TIPIN: variants seen among roughly 807,000 people sequenced by gnomAD.
TIPIN encodes TIMELESS-interacting protein.
TIPIN carries 29 observed loss-of-function variants against 35.6 expected under a neutral mutation model. The ratio of observed to expected loss-of-function variants is 0.82; its 90% CI spans 0.61 to 1.11. The LOEUF (loss-of-function observed/expected upper bound fraction) is 1.11, where lower values mean the gene tolerates loss of function less well. Among genes scored for constraint, TIPIN ranks in the 50% most tolerant of loss-of-function variants. The pLI, the probability that TIPIN is intolerant of heterozygous loss-of-function variation, is 0.00. For missense variants in TIPIN, 296 were observed against 345.4 expected (o/e 0.86, Z 1.13); for synonymous variants, 102 against 121.5 (o/e 0.84, Z 1.06).
intron 1 of TIPIN, among the ~76,000 whole-genome samples, chr15:66,376,639 A>G (rs1016076533): frequency 2.0e-4 from 30 of 151,640 alleles, no homozygotes; most frequent in Middle Eastern, 3.4e-3. Context: ...CATGTTGGCC[A>G]GGCTGTCTTG....
At chr15:66,360,189 A>G (rs1327462647), upstream of TIPIN, among the ~76,000 whole-genome samples, 6 of 152,156 alleles carry the variant, frequency 3.9e-5, no homozygotes, top group Non-Finnish European at 8.8e-5. Context: ...CCAGGAGGTC[A>G]AGGCCAGCCT....
intron 1 of TIPIN, chr15:66,382,802 A>T: frequency 2.5e-6 from 1 of 405,328 alleles, no homozygotes. Context: ...GATATGGTTC[A>T]ACCAAATATA....
At chr15:66,340,434 C>T (rs1310426046) in intron 7 of TIPIN, among the ~76,000 whole-genome samples, 1 of 150,692 alleles carries the variant, frequency 6.6e-6, no homozygotes, top group Non-Finnish European at 1.5e-5. Flanking sequence ...ACTTTGGCCT[C>T]CTAAAGTGCT....
intron 1 of TIPIN, among the ~76,000 whole-genome samples, chr15:66,373,092 G>A (rs753506028): frequency 1.6e-4 from 24 of 152,156 alleles, no homozygotes; most frequent in Non-Finnish European, 2.8e-4. Flanking sequence ...ATCTAGGTTT[G>A]TGTAAGTATA....
intron 6 of TIPIN, among the ~76,000 whole-genome samples, chr15:66,342,252 G>A (rs1450882309): frequency 2.0e-5 from 3 of 150,534 alleles, no homozygotes; most frequent in Non-Finnish European, 4.4e-5. Context: ...AATATTTTAT[G>A]CTTGGCCTAA....
intron 1 of TIPIN, among the ~76,000 whole-genome samples, chr15:66,381,916 T>G (rs2093319892): frequency 6.6e-6 from 1 of 152,012 alleles, no homozygotes; most frequent in Admixed American, 6.6e-5. Context: ...ATACAAAAAA[T>G]TAGCTGAGCA....
At position 66,352,205 on chromosome 15, in the gene TIPIN, A is replaced by C. The variant is rs770038398; in HGVS notation, c.136T>G (p.Ser46Ala). Residue 46 changes from serine (S) to alanine (A), a missense_variant and splice_region_variant, in exon 3 of 8, where the codon TCA becomes GCA. Coordinates refer to ENST00000261881, the MANE Select transcript of TIPIN (RefSeq NM_017858.3). ...ACACGAACAGGTGCTCCATTTCCTG[A>C]CTCTGGTGAAACAAACCACGATTCA... ...DGEGTEPDEESGNGAPVRVPP... is the reference protein window; with the variant it reads ...DGEGTEPDEEAGNGAPVRVPP... 1 of 1,600,832 alleles carries C rather than the reference A, an allele frequency of 6.2e-7. No individual in the cohort carries two copies. The highest frequency in any genetic ancestry group is 8.5e-7 in the Non-Finnish European group (1 of 1,174,598).
intron 6 of TIPIN, among the ~76,000 whole-genome samples, chr15:66,341,912 G>A (rs907812264): frequency 1.3e-5 from 2 of 152,108 alleles, no homozygotes; most frequent in African/African-American, 2.4e-5. Flanking sequence ...AAGGCCGGGC[G>A]CGGTGGCTCA....
chr15:66,345,521 C>T (rs1027643891), intron 6 of TIPIN, among the ~76,000 whole-genome samples: 1 of 152,106 alleles, frequency 6.6e-6, no homozygotes, highest in Admixed American at 6.6e-5. Flanking sequence ...TTGAGACAAG[C>T]CTGGCCAACG....
At chr15:66,382,036 C>G (rs2093320448) in intron 1 of TIPIN, among the ~76,000 whole-genome samples, 1 of 150,624 alleles carries the variant, frequency 6.6e-6, no homozygotes, top group African/African-American at 2.4e-5. Flanking sequence ...CTGCACTCCA[C>G]CTGGGCGATG....
intron 1 of TIPIN, among the ~76,000 whole-genome samples, chr15:66,361,934 G>T (rs1255169785): frequency 6.6e-6 from 1 of 152,056 alleles, no homozygotes; most frequent in African/African-American, 2.4e-5. Context: ...AGCCGAGATT[G>T]TGCCACTGCA....
At chr15:66,355,049 T>G in intron 1 of TIPIN, among the ~76,000 whole-genome samples, 1 of 143,118 alleles carries the variant, frequency 7.0e-6, no homozygotes, top group African/African-American at 2.6e-5. Flanking sequence ...TTTTTTTTTT[T>G]GAGAAGGAGT....
chr15:66,355,501 G>A (rs1196716163), intron 1 of TIPIN, among the ~76,000 whole-genome samples: 3 of 151,864 alleles, frequency 2.0e-5, no homozygotes, highest in Non-Finnish European at 2.9e-5. Context: ...GGTAATCCCA[G>A]CACTATGGGA....
chr15:66,345,710 CAA>C (rs368302596), intron 6 of TIPIN, among the ~76,000 whole-genome samples: 1 of 133,902 alleles, frequency 7.5e-6, no homozygotes, highest in Non-Finnish European at 1.6e-5. Flanking sequence ...GACTCCGTCT[CAA>C]AAAAAAAAAA....
At chr15:66,358,958 C>T (rs772516853), upstream of TIPIN, among the ~76,000 whole-genome samples, 17 of 151,652 alleles carry the variant, frequency 1.1e-4, no homozygotes, top group South Asian at 2.1e-4. Context: ...GCGAGAGAAT[C>T]GCTTGAACCC....
intron 1 of TIPIN, among the ~76,000 whole-genome samples, chr15:66,355,991 C>T (rs886157453): frequency 1.3e-5 from 2 of 152,144 alleles, no homozygotes; most frequent in South Asian, 2.1e-4. Flanking sequence ...GACTTTTACT[C>T]CTCGTCAATG....
intron 7 of TIPIN, among the ~76,000 whole-genome samples, chr15:66,337,743 G>A (rs1423660624): frequency 6.8e-6 from 1 of 147,956 alleles, no homozygotes; most frequent in Non-Finnish European, 1.5e-5. Flanking sequence ...GCCACATAGT[G>A]AGACCCCATG....
intron 1 of TIPIN, among the ~76,000 whole-genome samples, chr15:66,370,498 G>A (rs1364271998): frequency 6.6e-6 from 1 of 151,804 alleles, no homozygotes; most frequent in African/African-American, 2.4e-5. Context: ...GGGCCAGCAG[G>A]GGCATGGGGC....
At chr15:66,362,806 TA>T (rs1449019217) in intron 1 of TIPIN, among the ~76,000 whole-genome samples, 1 of 152,166 alleles carries the variant, frequency 6.6e-6, no homozygotes, top group Non-Finnish European at 1.5e-5. Context: ...AATCCCACAT[TA>T]AAAAAGCAAA....
Sources: allele counts gnomAD v4.1 joint callset (sites outside exome capture counted in the v4.1 genomes callset), GRCh38; gene constraint gnomAD v4.1.1; transcripts MANE v1.5; gene names NCBI Gene and HGNC (gene_info 2026-07-23, HGNC 2026-07-21).